The following OXR1 variants were observed in gnomAD, a reference collection of about 807,000 sequenced individuals.
OXR1 encodes oxidation resistance 1.
Under a neutral mutation model 104.6 loss-of-function variants are expected in OXR1, and 41 were observed. The observed-to-expected ratio is 0.39, with a 90% CI of 0.31 to 0.51. The LOEUF (loss-of-function observed/expected upper bound fraction) is 0.51. Ranked by LOEUF, OXR1 falls within the 20% of genes least tolerant of loss-of-function variation. The pLI, the probability that OXR1 is intolerant of heterozygous loss-of-function variation, is 0.77. For missense variants in OXR1, 955 were observed against 1,031.9 expected, an observed-to-expected ratio of 0.93 and a Z score of 1.02; for synonymous variants, 348 against 348.4, an observed-to-expected ratio of 1.00 and a Z score of 0.01.
intron 1 of OXR1, among the ~76,000 whole-genome samples, chr8:106,321,042 T>A (rs1167064889): frequency 6.6e-6 from 1 of 152,248 alleles, no homozygotes; most frequent in African/African-American, 2.4e-5. Context: ...TGATTAATGC[T>A]CGTAAGACTT....
chr8:106,414,262 C>T (rs1210542192), intron 2 of OXR1, among the ~76,000 whole-genome samples: 1 of 151,996 alleles, frequency 6.6e-6, no homozygotes, highest in Non-Finnish European at 1.5e-5. Flanking sequence ...CAGATAGTTC[C>T]AACATGACCA....
At chr8:106,677,285 A>C (rs557361824) in intron 3 of OXR1, among the ~76,000 whole-genome samples, 1 of 152,256 alleles carries the variant, frequency 6.6e-6, no homozygotes, top group African/African-American at 2.4e-5. Flanking sequence ...CAGTTGTTTA[A>C]AATAAAAATA....
At chr8:106,555,093 T>G (rs192066107) in intron 3 of OXR1, among the ~76,000 whole-genome samples, 1 of 152,320 alleles carries the variant, frequency 6.6e-6, no homozygotes, top group East Asian at 1.9e-4. Flanking sequence ...ATAGTCCTCA[T>G]GTTGTACGTT....
At chr8:106,339,724 T>C (rs1208136025) in intron 1 of OXR1, among the ~76,000 whole-genome samples, 1 of 150,936 alleles carries the variant, frequency 6.6e-6, no homozygotes, top group Non-Finnish European at 1.5e-5. Context: ...TTTCTTCCTT[T>C]GATAAAAAAA....
chr8:106,491,468 A>T (rs559385677), intron 2 of OXR1, among the ~76,000 whole-genome samples: 12 of 152,222 alleles, frequency 7.9e-5, no homozygotes, highest in African/African-American at 2.9e-4. Context: ...CTGAAATAGA[A>T]CTCTTTTAAC....
chr8:106,415,290 G>A (rs1292686617), intron 2 of OXR1, among the ~76,000 whole-genome samples: 3 of 148,758 alleles, frequency 2.0e-5, no homozygotes, highest in Non-Finnish European at 4.5e-5. Context: ...TTGTAATAAT[G>A]TTTTGCCATT....
intron 1 of OXR1, among the ~76,000 whole-genome samples, chr8:106,337,714 C>T (rs899313638): frequency 2.0e-5 from 3 of 152,100 alleles, no homozygotes; most frequent in African/African-American, 7.2e-5. Context: ...TCTTTTCCTT[C>T]ATGATATGAA....
At chr8:106,379,195 A>G (rs1431516118) in intron 2 of OXR1, among the ~76,000 whole-genome samples, 1 of 152,282 alleles carries the variant, frequency 6.6e-6, no homozygotes, top group Admixed American at 6.5e-5. Context: ...GCATTCAGCA[A>G]TCTGTATTCT....
chr8:106,616,709 C>T (rs1009460623), intron 3 of OXR1, among the ~76,000 whole-genome samples: 1 of 152,172 alleles, frequency 6.6e-6, no homozygotes, highest in Non-Finnish European at 1.5e-5. Flanking sequence ...ACAACTTCAG[C>T]GTTGTGAACT....
chr8:106,322,610 C>A lies in OXR1; in HGVS notation c.-138-36866C>A, dbSNP rs376887867. Among the ~76,000 whole-genome samples, 4 of 152,106 alleles carry A rather than the reference C, an allele frequency of 2.6e-5. No individual in the cohort carries two copies. In the East Asian group the frequency reaches 7.7e-4, roughly 29 times the overall value. On this transcript the variant is annotated intron_variant, in intron 1 of 16. Coordinates refer to ENST00000517566, the MANE Select transcript of OXR1 (RefSeq NM_001198533.2). ...GAAGTGAACTATCTCTGTTTGCAGA[C>A]GACATGATTCTATATCTAGAAAACC...
chr8:106,378,457 C>T (rs547842756), intron 2 of OXR1, among the ~76,000 whole-genome samples: 2 of 152,292 alleles, frequency 1.3e-5, no homozygotes, highest in South Asian at 2.1e-4. Flanking sequence ...ATTAATGTCT[C>T]TTCTAGTTCT....
intron 3 of OXR1, among the ~76,000 whole-genome samples, chr8:106,623,756 G>A (rs774625263): frequency 5.3e-5 from 8 of 152,104 alleles, no homozygotes; most frequent in Non-Finnish European, 8.8e-5. Context: ...TATGAGAGAA[G>A]GTTTTTAAAT....
chr8:106,616,954 A>G lies in OXR1; in HGVS notation c.221-62256A>G, dbSNP rs148164990. Among the ~76,000 whole-genome samples the G allele has an allele frequency of 1.7e-3, 254 of 152,324 alleles. 1 individual carries two copies. Among genetic ancestry groups the G allele is most frequent in the African/African-American group, 6.0e-3 (249 of 41,568 alleles). ...AATAAAATATGATGTTACAGTATGT[A>G]TATATCTCAGTGAGTTGCTGTTGAA... On this transcript the variant is annotated intron_variant, in intron 3 of 16. Transcript: ENST00000517566.
intron 3 of OXR1, among the ~76,000 whole-genome samples, chr8:106,588,953 C>T (rs911082162): frequency 6.6e-6 from 1 of 152,218 alleles, no homozygotes; most frequent in African/African-American, 2.4e-5. Flanking sequence ...GATTCCATCA[C>T]ACACTGTGTG....
At chr8:106,590,317 T>C (rs1818978619) in intron 3 of OXR1, among the ~76,000 whole-genome samples, 1 of 152,226 alleles carries the variant, frequency 6.6e-6, no homozygotes, top group Non-Finnish European at 1.5e-5. Context: ...AGACGGAGTC[T>C]CGCTCTGTCG....
intron 2 of OXR1, among the ~76,000 whole-genome samples, chr8:106,477,532 A>G (rs1307624204): frequency 2.0e-5 from 3 of 151,936 alleles, no homozygotes; most frequent in Non-Finnish European, 4.4e-5. Flanking sequence ...AATAAATTTC[A>G]ACTTTTATAA....
chr8:106,619,655 A>G lies in OXR1; in HGVS notation c.221-59555A>G, dbSNP rs147143743. ...GAGGTACTAAAATTGCCTTTGTAAT[A>G]AAAAAATACACAAGAAAGGATAAAA... On this transcript the variant is annotated intron_variant, in intron 3 of 16. Transcript: ENST00000517566. Among the ~76,000 whole-genome samples, 70 of 152,286 alleles carry G rather than the reference A, an allele frequency of 4.6e-4. 1 individual carries two copies. In the East Asian group the frequency reaches 7.5e-3, roughly 16 times the overall value.
intron 3 of OXR1, among the ~76,000 whole-genome samples, chr8:106,519,863 T>C (rs1813132562): frequency 6.6e-6 from 1 of 152,216 alleles, no homozygotes; most frequent in Non-Finnish European, 1.5e-5. Flanking sequence ...AATTACCAAC[T>C]TTAGTGTACC....
intron 11 of OXR1, among the ~76,000 whole-genome samples, chr8:106,736,067 C>T (rs978540002): frequency 2.6e-5 from 4 of 152,078 alleles, no homozygotes; most frequent in Non-Finnish European, 5.9e-5. Context: ...TGCATTTCCT[C>T]AGTAATTCAC....
Sources: allele counts gnomAD v4.1 joint callset (sites outside exome capture counted in the v4.1 genomes callset), GRCh38; gene constraint gnomAD v4.1.1; transcripts MANE v1.5; gene names NCBI Gene and HGNC (gene_info 2026-07-23, HGNC 2026-07-21).